The following AKAP9 variants were observed in gnomAD, a reference collection of about 807,000 sequenced individuals.
The protein encoded by AKAP9 is A-kinase anchoring protein 9.
AKAP9 carries 311 observed loss-of-function variants against 488.5 expected under a neutral mutation model. The observed-to-expected ratio is 0.64, with a 90% CI of 0.58 to 0.70. The LOEUF is 0.70. Ranked by LOEUF, AKAP9 falls within the 30% of genes least tolerant of loss-of-function variation. The pLI, the probability that AKAP9 is intolerant of heterozygous loss-of-function variation, is 0.00. For synonymous variants in AKAP9, 1,462 were observed against 1,483.5 expected (o/e 0.99, Z 0.33); for missense variants, 4,215 against 4,374.5 (o/e 0.96, Z 1.03).
At chr7:92,083,841 G>C in intron 33 of AKAP9, 186 bp downstream of exon 33, 1 of 611,068 alleles carries the variant, frequency 1.6e-6, no homozygotes, top group Non-Finnish European at 2.8e-6. Flanking sequence ...TTTTTCTTTT[G>C]TTATACTTTA....
chr7:92,045,345 A>G, intron 21 of AKAP9, 132 bp downstream of exon 21: 1 of 832,820 alleles, frequency 1.2e-6, no homozygotes, highest in Non-Finnish European at 2.0e-6. Context: ...ACAGAAATAC[A>G]TTAGAGCAAC....
chr7:92,016,004 A>G, intron 10 of AKAP9, 125 bp from the exon 11 acceptor site: 1 of 711,180 alleles, frequency 1.4e-6, no homozygotes, highest in Non-Finnish European at 2.4e-6. Flanking sequence ...GTATGGAGAG[A>G]ATGTTTTCTT....
Position 92,085,644 on chromosome 7 carries a change from A to G in AKAP9, c.8982A>G (p.Leu2994=), listed in dbSNP as rs1814416613. The change falls in exon 36 of 50, where the codon CTA becomes CTG. Residue 2994 remains leucine, a synonymous_variant. Transcript: ENST00000356239. ...RKAYINTISS[L]KDLITKMQLQ... ...CTTACATCAATACAATCTCATCTCT[A>G]AAGGATTTAATTACAAAGATGCAAC... 3.7e-6 allele frequency: 6 copies of G among 1,613,678 alleles called. No homozygotes were observed. The highest frequency in any genetic ancestry group is 5.1e-6 in the Non-Finnish European group (6 of 1,179,854).
At chr7:92,017,786 C>T (rs1034865769) in intron 12 of AKAP9, among the ~76,000 whole-genome samples, 5 of 152,062 alleles carry the variant, frequency 3.3e-5, no homozygotes, top group Non-Finnish European at 5.9e-5. Context: ...CTCTCCATCT[C>T]TCTCCCCTTC....
chr7:92,003,521 T>C (rs1799426480), intron 8 of AKAP9, among the ~76,000 whole-genome samples: 1 of 152,116 alleles, frequency 6.6e-6, no homozygotes, highest in South Asian at 2.1e-4. Context: ...TGTATAACTT[T>C]ATGGAGAATC....
chr7:91,992,169 C>A lies in AKAP9; in HGVS notation c.363C>A (p.Cys121Ter). 1 of 1,608,976 alleles carries A rather than the reference C, an allele frequency of 6.2e-7. No homozygotes were observed. The highest frequency in any genetic ancestry group is 8.5e-7 in the Non-Finnish European group (1 of 1,175,560). The change falls in exon 4 of 50, where the codon TGC (cysteine) becomes TGA (stop). Residue 121 changes from cysteine (C) to a stop codon, truncating the protein, a stop_gained. Transcript: ENST00000356239. LOFTEE classifies it high-confidence loss of function. Reference protein sequence around the residue: ...ADDCSSEVNGCSFVMRTGKPT... With the variant: ...ADDCSSEVNG ...TTGTTTTTATACAGGTAAATGGTTG[C>A]AGTTTTGTGATGAGAACAGGAAAGC...
intron 39 of AKAP9, among the ~76,000 whole-genome samples, chr7:92,094,462 G>A (rs1816179912): frequency 6.6e-6 from 1 of 152,018 alleles, no homozygotes. Context: ...GAACCCGGGA[G>A]GCGGAGGTTA....
intron 49 of AKAP9, among the ~76,000 whole-genome samples, chr7:92,109,552 T>TA (rs1311659012): frequency 6.6e-6 from 1 of 152,176 alleles, no homozygotes; most frequent in East Asian, 1.9e-4. Flanking sequence ...GAGAGCACTT[T>TA]AAAAAAACTC....
intron 6 of AKAP9, among the ~76,000 whole-genome samples, chr7:91,995,338 C>T (rs924331116): frequency 7.2e-5 from 11 of 152,166 alleles, no homozygotes; most frequent in South Asian, 2.1e-4. Context: ...ATAGGGAATT[C>T]GGGAAGTACT....
At chr7:91,996,782 G>T (rs575481565) in intron 7 of AKAP9, among the ~76,000 whole-genome samples, 1 of 152,178 alleles carries the variant, frequency 6.6e-6, no homozygotes, top group South Asian at 2.1e-4. Context: ...TCTGCAAGAG[G>T]TTGAGAAATT....
intron 47 of AKAP9, among the ~76,000 whole-genome samples, chr7:92,106,909 A>C (rs1818591428): frequency 6.6e-6 from 1 of 152,246 alleles, no homozygotes; most frequent in Non-Finnish European, 1.5e-5. Context: ...GTTTCAAGTC[A>C]GTAGATTGGA....
intron 36 of AKAP9, 81 bp from the exon 37 acceptor site, chr7:92,086,147 T>C: frequency 1.7e-6 from 2 of 1,190,308 alleles, no homozygotes; most frequent in Non-Finnish European, 2.4e-6. Context: ...TTAATTATTT[T>C]TCTTTGTAGA....
chr7:92,049,914 CATCT>C (rs1186036058), intron 21 of AKAP9, among the ~76,000 whole-genome samples: 1 of 152,124 alleles, frequency 6.6e-6, no homozygotes, highest in Non-Finnish European at 1.5e-5. Context: ...GATTTGCTCC[CATCT>C]AATACACCAT....
intron 21 of AKAP9, among the ~76,000 whole-genome samples, chr7:92,049,375 G>A (rs1807528339): frequency 6.6e-6 from 1 of 152,106 alleles, no homozygotes; most frequent in Non-Finnish European, 1.5e-5. Flanking sequence ...ACTTTGGGAG[G>A]CTGAGGTGGG....
At chr7:92,092,941 A>C (rs1298738858) in intron 38 of AKAP9, 156 bp from the exon 39 acceptor site, 1 of 651,536 alleles carries the variant, frequency 1.5e-6, no homozygotes, top group African/African-American at 1.8e-5. Flanking sequence ...GTGAGCCACC[A>C]TGCCTGGACT....
chr7:92,009,257 A>G (rs550054954), intron 8 of AKAP9, among the ~76,000 whole-genome samples: 3 of 152,270 alleles, frequency 2.0e-5, no homozygotes, highest in East Asian at 1.9e-4. Flanking sequence ...AAAACAAACT[A>G]ACAAAATCAA....
At chr7:91,968,967 G>T (rs1794739343) in intron 1 of AKAP9, among the ~76,000 whole-genome samples, 1 of 152,038 alleles carries the variant, frequency 6.6e-6, no homozygotes, top group Admixed American at 6.5e-5. Flanking sequence ...TACCTCCTGG[G>T]CTCAAGCGAT....
chr7:92,057,314 T>G (rs1405729093), intron 22 of AKAP9, among the ~76,000 whole-genome samples: 1 of 152,132 alleles, frequency 6.6e-6, no homozygotes, highest in Non-Finnish European at 1.5e-5. Context: ...ATTACTAATG[T>G]GGACTCAAGC....
At position 92,062,267 on chromosome 7, in the gene AKAP9, A is replaced by AT. The variant is rs1420699451; in HGVS notation, c.5765-5dup. The AT allele has an allele frequency of 6.2e-7, 1 of 1,605,876 alleles. No individual in the cohort carries two copies. Among genetic ancestry groups the AT allele is most frequent in the Non-Finnish European group, 8.5e-7 (1 of 1,173,042 alleles). ...TAGTTCTATTTTCTGTTAATTTTGT[A>AT]TTATAGGCGTCATTGATGGCTATGC... On this transcript the variant is annotated splice_polypyrimidine_tract_variant and splice_region_variant and intron_variant, in intron 23 of 49. Coordinates refer to ENST00000356239, the MANE Select transcript of AKAP9 (RefSeq NM_005751.5).
Sources: allele counts gnomAD v4.1 joint callset (sites outside exome capture counted in the v4.1 genomes callset), GRCh38; gene constraint gnomAD v4.1.1; transcripts MANE v1.5; gene names NCBI Gene and HGNC (gene_info 2026-07-23, HGNC 2026-07-21).